NCOA1: variants seen among roughly 807,000 people sequenced by gnomAD.
The protein encoded by NCOA1 is Hin-2 protein.
A neutral mutation model predicts 150.9 loss-of-function variants in NCOA1; 35 were observed. That is an observed-to-expected ratio of 0.23 (90% CI 0.18 to 0.31). The LOEUF (loss-of-function observed/expected upper bound fraction) is 0.31, where lower values mean the gene tolerates loss of function less well. Among genes scored for constraint, NCOA1 ranks in the 10% least tolerant of loss-of-function variants. The pLI is 1.00. For synonymous variants in NCOA1, 590 were observed against 630.0 expected, an observed-to-expected ratio of 0.94 and a Z score of 0.95; for missense variants, 1,491 against 1,749.3, an observed-to-expected ratio of 0.85 and a Z score of 2.63.
intron 1 of NCOA1, among the ~76,000 whole-genome samples, chr2:24,495,175 T>C (rs1430612028): frequency 2.0e-5 from 3 of 149,762 alleles, no homozygotes; most frequent in African/African-American, 7.4e-5. Context: ...TGTATAGAAA[T>C]GATTATTATA....
intron 1 of NCOA1, among the ~76,000 whole-genome samples, chr2:24,503,512 T>A (rs919538657): frequency 6.6e-6 from 1 of 152,224 alleles, no homozygotes; most frequent in African/African-American, 2.4e-5. Flanking sequence ...TGGGGCACCA[T>A]AAAGTAGTTA....
chr2:24,681,153 C>T (rs1403860340), intron 7 of NCOA1, among the ~76,000 whole-genome samples: 1 of 151,900 alleles, frequency 6.6e-6, no homozygotes, highest in East Asian at 1.9e-4. Context: ...CACCTGAGGT[C>T]AGGAGTTTAA....
chr2:24,642,035 T>TGTGTGTGTGC (rs1429967519), intron 3 of NCOA1, among the ~76,000 whole-genome samples: 5 of 114,342 alleles, frequency 4.4e-5, no homozygotes, highest in Non-Finnish European at 1.0e-4. Context: ...TGTGTGTGTG[T>TGTGTGTGTGC]GTGCGCGCGT....
At chr2:24,626,421 C>T (rs1426334436) in intron 3 of NCOA1, among the ~76,000 whole-genome samples, 2 of 152,016 alleles carry the variant, frequency 1.3e-5, no homozygotes, top group Non-Finnish European at 2.9e-5. Context: ...AAATAATGAA[C>T]GTGATGCTGT....
At chr2:24,529,858 G>A (rs951937214) in intron 1 of NCOA1, among the ~76,000 whole-genome samples, 1 of 152,270 alleles carries the variant, frequency 6.6e-6, no homozygotes, top group African/African-American at 2.4e-5. Flanking sequence ...TTAGCATAAT[G>A]ATATAACCTA....
chr2:24,718,888 G>A (rs951883567), intron 14 of NCOA1, among the ~76,000 whole-genome samples: 24 of 150,280 alleles, frequency 1.6e-4, no homozygotes, highest in African/African-American at 5.6e-4. Context: ...AAAAAGCCAG[G>A]TGTGGTGGCG....
intron 1 of NCOA1, among the ~76,000 whole-genome samples, chr2:24,545,976 A>T (rs1015126485): frequency 1.1e-4 from 16 of 152,072 alleles, no homozygotes; most frequent in African/African-American, 3.9e-4. Context: ...TTTAGTAGAG[A>T]TGGGGTTTCA....
Position 24,768,516 on chromosome 2 carries a change from CAAA to C in NCOA1, c.*148_*150del, listed in dbSNP as rs772970404. The C allele has an allele frequency of 0.013, 685 of 54,744 alleles. No homozygotes were observed. The highest frequency in any genetic ancestry group is 0.041 in the East Asian group (146 of 3,534). The allele number at this position is 54,744 out of a possible 1,614,324, so 3.4% of individuals were successfully genotyped here. A position where few individuals can be genotyped will look rare whatever the true frequency, so the allele number is the denominator to read the frequency against. On this transcript the variant is annotated 3_prime_UTR_variant, in exon 23 of 23. Coordinates refer to ENST00000348332, the MANE Select transcript of NCOA1 (RefSeq NM_003743.5). ...ATTCTTCAGGTCGTAGCATTTGGAG[CAAA>C]AAAAAAAAAAAAAAAAAAAAAAGGA...
chr2:24,770,444 A>G lies in NCOA1; in HGVS notation c.*2053A>G, dbSNP rs1665266030. The G allele has an allele frequency of 4.4e-6, 1 of 227,454 alleles. No individual in the cohort carries two copies. The highest frequency in any genetic ancestry group is 8.8e-6 in the Non-Finnish European group (1 of 114,282). The allele number at this position is 227,454 out of a possible 1,614,324, so 14.1% of individuals were successfully genotyped here. On this transcript the variant is annotated 3_prime_UTR_variant, in exon 23 of 23. Transcript: ENST00000348332. ...ATATGCATGTCACCTTCAAGGTTTT[A>G]TAATTGCACTGTTTGTTTTATGTAT...
chr2:24,699,254 G>C (rs1413711672), intron 11 of NCOA1, among the ~76,000 whole-genome samples: 1 of 152,088 alleles, frequency 6.6e-6, no homozygotes, highest in African/African-American at 2.4e-5. Flanking sequence ...GCCTTCCAAG[G>C]CTTTACTTAA....
intron 1 of NCOA1, among the ~76,000 whole-genome samples, chr2:24,509,214 G>A (rs920332037): frequency 1.3e-5 from 2 of 152,314 alleles, no homozygotes; most frequent in African/African-American, 2.4e-5. Context: ...AATCCTGTAA[G>A]CCAGACATTA....
At chr2:24,557,985 T>TGGTTCATTTTCCCAAAATGAACCCTTG (rs541560248) in intron 1 of NCOA1, among the ~76,000 whole-genome samples, 316 of 151,538 alleles carry the variant, frequency 2.1e-3, no homozygotes, top group African/African-American at 4.7e-3. Context: ...TTTGGATCTC[T>TGGTTCATTTTCCCAAAATGAACCCTTG]GGTTCATTTT....
intron 1 of NCOA1, among the ~76,000 whole-genome samples, chr2:24,499,236 T>A (rs1434605917): frequency 6.6e-6 from 1 of 152,230 alleles, no homozygotes; most frequent in East Asian, 1.9e-4. Flanking sequence ...AATAGATACA[T>A]CTATTTAATA....
intron 17 of NCOA1, among the ~76,000 whole-genome samples, chr2:24,738,066 CT>C (rs1663416189): frequency 6.6e-6 from 1 of 151,890 alleles, no homozygotes; most frequent in Non-Finnish European, 1.5e-5. Flanking sequence ...TCCACAATGC[CT>C]TAGATTTGTC....
intron 4 of NCOA1, among the ~76,000 whole-genome samples, chr2:24,645,335 CAA>C (rs549749004): frequency 3.9e-4 from 31 of 80,298 alleles, no homozygotes; most frequent in Admixed American, 3.8e-4. Flanking sequence ...ACTAAAAATA[CAA>C]AAAAAAAAAA....
chr2:24,561,156 T>C, intron 1 of NCOA1, among the ~76,000 whole-genome samples: 1 of 152,138 alleles, frequency 6.6e-6, no homozygotes, highest in African/African-American at 2.4e-5. Context: ...TAAGACTGTA[T>C]TTGTAGGTAA....
At chr2:24,710,686 T>C (rs1251165453) in intron 13 of NCOA1, among the ~76,000 whole-genome samples, 2 of 151,060 alleles carry the variant, frequency 1.3e-5, no homozygotes, top group Non-Finnish European at 3.0e-5. Context: ...TAGCCAAATA[T>C]ATGTGTATTA....
intron 16 of NCOA1, among the ~76,000 whole-genome samples, chr2:24,728,889 G>A (rs1478827415): frequency 1.3e-5 from 2 of 152,208 alleles, no homozygotes; most frequent in Middle Eastern, 3.2e-3. Context: ...AAATGGAGTA[G>A]AATAGTGTAG....
At chr2:24,516,904 A>G (rs1254030240) in intron 1 of NCOA1, among the ~76,000 whole-genome samples, 2 of 88,420 alleles carry the variant, frequency 2.3e-5, no homozygotes, top group Admixed American at 3.1e-4. Flanking sequence ...AACCACATAT[A>G]TATGTGCATG....
Sources: gnomAD v4.1 joint callset for allele counts (sites outside exome capture counted in the v4.1 genomes callset) on GRCh38, gnomAD v4.1.1 for gene constraint, MANE v1.5 for transcripts, NCBI Gene and HGNC (gene_info 2026-07-23, HGNC 2026-07-21) for gene names.